Variants in RASEF observed in about 807,000 individuals in gnomAD.
RASEF encodes ras and EF-hand domain-containing protein.
Under a neutral mutation model 90.1 loss-of-function variants are expected in RASEF, and 68 were observed. The observed-to-expected ratio is 0.75, with a 90% CI of 0.62 to 0.92. The LOEUF (loss-of-function observed/expected upper bound fraction) is 0.92, where lower values mean the gene tolerates loss of function less well. RASEF is among the 40% of genes least tolerant of loss of function. The pLI is 0.00. For synonymous variants in RASEF, 331 were observed against 345.2 expected, an observed-to-expected ratio of 0.96 and a Z score of 0.46; for missense variants, 949 against 937.2, an observed-to-expected ratio of 1.01 and a Z score of -0.16.
At chr9:83,014,846 A>G (rs770174364) in intron 4 of RASEF, among the ~76,000 whole-genome samples, 18 of 152,164 alleles carry the variant, frequency 1.2e-4, no homozygotes, top group Non-Finnish European at 2.1e-4. Flanking sequence ...ATGGAAATCA[A>G]CAAATGATAC....
chr9:83,204,797 TA>T, the RASEF span, among the ~76,000 whole-genome samples: 1 of 152,214 alleles, frequency 6.6e-6, no homozygotes, highest in African/African-American at 2.4e-5. Context: ...AAAATGGATA[TA>T]AACATATGCC....
the RASEF span, among the ~76,000 whole-genome samples, chr9:83,099,005 G>C: frequency 6.6e-6 from 1 of 152,044 alleles, no homozygotes; most frequent in Non-Finnish European, 1.5e-5. Flanking sequence ...TGAGAATAGT[G>C]GCTTATTGTA....
intron 1 of RASEF, chr9:83,049,160 A>T: frequency 4.2e-6 from 1 of 238,810 alleles, no homozygotes; most frequent in Non-Finnish European, 6.8e-6. Context: ...TGAATTCCAG[A>T]GTTGACTTAA....
At chr9:83,014,282 A>G (rs543189417) in intron 4 of RASEF, among the ~76,000 whole-genome samples, 2 of 152,280 alleles carry the variant, frequency 1.3e-5, no homozygotes, top group South Asian at 4.2e-4. Flanking sequence ...TAGTGTATAA[A>G]ATACAAAATA....
the RASEF span, among the ~76,000 whole-genome samples, chr9:83,124,509 G>A: frequency 1.3e-5 from 2 of 152,188 alleles, no homozygotes; most frequent in Non-Finnish European, 2.9e-5. Flanking sequence ...GCTTACTGGT[G>A]AGATTTCAGG....
intron 1 of RASEF, chr9:83,048,085 C>T (rs1000720753): frequency 3.1e-6 from 3 of 982,544 alleles, no homozygotes; most frequent in African/African-American, 1.7e-5. Context: ...TCTTACTGGC[C>T]GTAGACTCCA....
intron 16 of RASEF, among the ~76,000 whole-genome samples, chr9:82,987,700 T>G (rs1269349489): frequency 6.6e-6 from 1 of 152,174 alleles, no homozygotes; most frequent in African/African-American, 2.4e-5. Context: ...CATTAAACAA[T>G]GATTAAGATA....
At chr9:83,000,594 GT>G (rs1564072514) in intron 10 of RASEF, 24 bp from the exon 11 acceptor site, 1 of 1,570,874 alleles carries the variant, frequency 6.4e-7, no homozygotes, top group South Asian at 1.2e-5. Context: ...AATGTCAGCA[GT>G]TAAATTAAAA....
chr9:83,021,869 T>C (rs745705381), intron 3 of RASEF, among the ~76,000 whole-genome samples: 5 of 152,224 alleles, frequency 3.3e-5, no homozygotes, highest in Admixed American at 6.5e-5. Context: ...GTGATGACTG[T>C]ATTCCATTAT....
At chr9:83,208,381 T>A in the RASEF span, among the ~76,000 whole-genome samples, 1 of 152,098 alleles carries the variant, frequency 6.6e-6, no homozygotes, top group Non-Finnish European at 1.5e-5. Context: ...AGAGTTCTCT[T>A]CCCTCCCCCA....
chr9:83,136,154 C>A, the RASEF span, among the ~76,000 whole-genome samples: 1 of 151,952 alleles, frequency 6.6e-6, no homozygotes, highest in African/African-American at 2.4e-5. Flanking sequence ...CATAAACCTG[C>A]TTTTATTTCT....
the RASEF span, among the ~76,000 whole-genome samples, chr9:83,077,707 C>T: frequency 1.3e-5 from 2 of 152,128 alleles, no homozygotes; most frequent in African/African-American, 2.4e-5. Flanking sequence ...TATTTAATAA[C>T]GAGGTGAAAA....
intron 1 of RASEF, among the ~76,000 whole-genome samples, chr9:83,037,700 T>C (rs1829767887): frequency 6.6e-6 from 1 of 152,026 alleles, no homozygotes; most frequent in East Asian, 1.9e-4. Flanking sequence ...TTGGAAATCT[T>C]TGAGCCTTTG....
intron 14 of RASEF, 105 bp from the exon 15 acceptor site, chr9:82,993,130 T>C: frequency 8.5e-7 from 1 of 1,176,142 alleles, no homozygotes; most frequent in South Asian, 1.5e-5. Context: ...TTGCCTCCTT[T>C]GTGCCAAATC....
the RASEF span, among the ~76,000 whole-genome samples, chr9:83,144,378 A>AG: frequency 0.028 from 1,621 of 57,706 alleles, 42 homozygotes; most frequent in East Asian, 0.054. Context: ...AAAGAAAGAA[A>AG]GAAAGAAAGA....
chr9:83,076,084 C>A, the RASEF span, among the ~76,000 whole-genome samples: 1 of 151,358 alleles, frequency 6.6e-6, no homozygotes, highest in Non-Finnish European at 1.5e-5. Flanking sequence ...AGGAGAACTG[C>A]TTGAACCAGG....
chr9:83,085,008 A>G, the RASEF span, among the ~76,000 whole-genome samples: 2 of 152,232 alleles, frequency 1.3e-5, no homozygotes, highest in African/African-American at 2.4e-5. Flanking sequence ...TTGTGATTCC[A>G]GGAAATGAAA....
At chr9:83,190,365 A>G in the RASEF span, among the ~76,000 whole-genome samples, 39 of 152,336 alleles carry the variant, frequency 2.6e-4, no homozygotes, top group African/African-American at 8.9e-4. Flanking sequence ...TAAATCATAA[A>G]AGAGACCTAT....
At chr9:83,173,347 C>T in the RASEF span, among the ~76,000 whole-genome samples, 563 of 152,004 alleles carry the variant, frequency 3.7e-3, 3 homozygotes, top group African/African-American at 0.013. Flanking sequence ...TTTCTCACTA[C>T]ATCCTCTTTA....
Sources: gnomAD v4.1 joint callset for allele counts (sites outside exome capture counted in the v4.1 genomes callset) on GRCh38, gnomAD v4.1.1 for gene constraint, MANE v1.5 for transcripts, NCBI Gene and HGNC (gene_info 2026-07-23, HGNC 2026-07-21) for gene names.